Variants in ZNF831 observed in about 807,000 individuals in gnomAD.
ZNF831 encodes the protein zinc finger protein 831.
In ZNF831, 59 loss-of-function variants were observed where a neutral mutation model predicts 95.8. The ratio of observed to expected loss-of-function variants is 0.62; its 90% CI spans 0.50 to 0.77. ZNF831 has a LOEUF of 0.77. Ranked by LOEUF, ZNF831 falls within the 30% of genes least tolerant of loss-of-function variation. ZNF831 has a pLI of 0.00. For missense variants in ZNF831, 2,205 were observed against 2,164.0 expected, an observed-to-expected ratio of 1.02 and a Z score of -0.38; for synonymous variants, 961 against 925.5, an observed-to-expected ratio of 1.04 and a Z score of -0.70.
intron 4 of ZNF831, among the ~76,000 whole-genome samples, chr20:59,213,114 T>G (rs1005076780): frequency 6.6e-6 from 1 of 152,144 alleles, no homozygotes; most frequent in South Asian, 2.1e-4. Context: ...TAATATTTTT[T>G]TGGGGGTGGG....
At chr20:59,142,469 C>T (rs1056104910) in intron 1 of ZNF831, among the ~76,000 whole-genome samples, 1 of 152,190 alleles carries the variant, frequency 6.6e-6, no homozygotes, top group Admixed American at 6.5e-5. Flanking sequence ...CCTACCCCCA[C>T]ATTTAAGGTA....
At chr20:59,207,533 A>G (rs1475028820) in intron 4 of ZNF831, among the ~76,000 whole-genome samples, 1 of 152,044 alleles carries the variant, frequency 6.6e-6, no homozygotes. Context: ...CTTACATGTG[A>G]AGTGGTAAGA....
At chr20:59,180,781 G>A (rs551945835) in intron 1 of ZNF831, among the ~76,000 whole-genome samples, 46 of 152,306 alleles carry the variant, frequency 3.0e-4, no homozygotes, top group Middle Eastern at 3.4e-3. Context: ...TCACTGATGG[G>A]CATTTGGGTT....
chr20:59,235,913 G>A (rs1986971761), intron 4 of ZNF831, among the ~76,000 whole-genome samples: 1 of 152,166 alleles, frequency 6.6e-6, no homozygotes, highest in South Asian at 2.1e-4. Flanking sequence ...AGACAGCCTT[G>A]GGTCCTCACA....
intron 2 of ZNF831, among the ~76,000 whole-genome samples, chr20:59,157,056 A>G (rs1304228133): frequency 6.6e-6 from 1 of 152,192 alleles, no homozygotes; most frequent in Non-Finnish European, 1.5e-5. Context: ...TCAAGCATTT[A>G]TCATCTCTTT....
At chr20:59,147,546 G>T (rs1979941254) in intron 2 of ZNF831, among the ~76,000 whole-genome samples, 1 of 152,250 alleles carries the variant, frequency 6.6e-6, no homozygotes, top group Non-Finnish European at 1.5e-5. Flanking sequence ...AGGAAAGGCT[G>T]TACAAGCTGA....
chr20:59,200,451 A>AT (rs1984447256), intron 3 of ZNF831, among the ~76,000 whole-genome samples: 1 of 152,124 alleles, frequency 6.6e-6, no homozygotes, highest in Non-Finnish European at 1.5e-5. Flanking sequence ...TAAATCTACT[A>AT]TTTTTTGTAA....
At chr20:59,167,862 A>G (rs952570164) in intron 1 of ZNF831, among the ~76,000 whole-genome samples, 1 of 152,152 alleles carries the variant, frequency 6.6e-6, no homozygotes, top group Non-Finnish European at 1.5e-5. Flanking sequence ...TGACAGAGCA[A>G]GACTCCATCT....
At chr20:59,237,028 A>G (rs1987035896) in intron 4 of ZNF831, among the ~76,000 whole-genome samples, 1 of 152,144 alleles carries the variant, frequency 6.6e-6, no homozygotes, top group Non-Finnish European at 1.5e-5. Flanking sequence ...TTTAAAGGTT[A>G]TTATCTACAT....
intron 1 of ZNF831, among the ~76,000 whole-genome samples, chr20:59,190,441 T>A (rs1289757412): frequency 2.0e-5 from 3 of 152,244 alleles, no homozygotes; most frequent in East Asian, 1.9e-4. Context: ...TTGCGTCAGT[T>A]TTTTTTCTTG....
chr20:59,195,822 C>A, intron 2 of ZNF831, 47 bp from the exon 3 acceptor site: 1 of 1,583,170 alleles, frequency 6.3e-7, no homozygotes. Flanking sequence ...TTTTCTTCAT[C>A]ATGAGGACTT....
chr20:59,248,243 A>G (rs1987715764), intron 4 of ZNF831, among the ~76,000 whole-genome samples: 1 of 152,232 alleles, frequency 6.6e-6, no homozygotes, highest in Non-Finnish European at 1.5e-5. Context: ...ATTTCTGAGG[A>G]TGTAGGAAGT....
chr20:59,239,160 C>A (rs935095794), intron 4 of ZNF831, among the ~76,000 whole-genome samples: 1 of 152,138 alleles, frequency 6.6e-6, no homozygotes, highest in Non-Finnish European at 1.5e-5. Context: ...CTTCCCCTTT[C>A]TCCACATTGA....
At chr20:59,142,317 C>T (rs999493175) in intron 1 of ZNF831, among the ~76,000 whole-genome samples, 1 of 152,148 alleles carries the variant, frequency 6.6e-6, no homozygotes, top group South Asian at 2.1e-4. Context: ...AGCTGGGAGC[C>T]GTACTTCCTT....
intron 2 of ZNF831, among the ~76,000 whole-genome samples, chr20:59,151,441 C>T (rs920078013): frequency 3.3e-5 from 5 of 152,184 alleles, no homozygotes; most frequent in East Asian, 1.9e-4. Flanking sequence ...ATGATACACC[C>T]GACCCTGTGC....
rs147481014 is a variant in ZNF831 at position 59,241,545 on chromosome 20, A to G, written c.4028-11433A>G. ...GTTTATAAGAAACATATATAAGAAA[A>G]CTTTTGTAAGAAACGTTTATAAGAA... On this transcript the variant is annotated intron_variant, in intron 4 of 5. Transcript: ENST00000371030. 1.8e-3 allele frequency among the ~76,000 whole-genome samples: 268 copies of G among 152,346 alleles called. 1 individual carries two copies. The highest frequency in any genetic ancestry group is 5.9e-3 in the African/African-American group (246 of 41,576).
At chr20:59,134,781 G>T (rs913532172) in intron 1 of ZNF831, among the ~76,000 whole-genome samples, 80 of 152,206 alleles carry the variant, frequency 5.3e-4, no homozygotes, top group African/African-American at 1.8e-3. Context: ...ATGGGTTGGG[G>T]TGGAATCTCA....
At chr20:59,212,134 A>AT (rs2146651326) in intron 4 of ZNF831, among the ~76,000 whole-genome samples, 1 of 152,252 alleles carries the variant, frequency 6.6e-6, no homozygotes. Context: ...TGTCTTCTTT[A>AT]TTTTTTGGAG....
chr20:59,171,971 A>G (rs577016420), intron 1 of ZNF831, among the ~76,000 whole-genome samples: 1 of 152,294 alleles, frequency 6.6e-6, no homozygotes, highest in South Asian at 2.1e-4. Flanking sequence ...TCCCTTTGAG[A>G]AGGCATAAAG....
Sources: allele counts gnomAD v4.1 joint callset (sites outside exome capture counted in the v4.1 genomes callset), GRCh38; gene constraint gnomAD v4.1.1; transcripts MANE v1.5; gene names NCBI Gene and HGNC (gene_info 2026-07-23, HGNC 2026-07-21).